Variants in RNF144A observed in about 807,000 individuals in gnomAD.
RNF144A encodes E3 ubiquitin-protein ligase RNF144A.
A neutral mutation model predicts 38.7 loss-of-function variants in RNF144A; 11 were observed. The observed-to-expected ratio is 0.28, with a 90% CI of 0.18 to 0.47. RNF144A has a LOEUF of 0.47. Ranked by LOEUF, RNF144A falls within the 20% of genes least tolerant of loss-of-function variation. RNF144A has a pLI of 0.99. For synonymous variants in RNF144A, 149 were observed against 143.9 expected, an observed-to-expected ratio of 1.04 and a Z score of -0.25; for missense variants, 316 against 377.2, an observed-to-expected ratio of 0.84 and a Z score of 1.34.
intron 2 of RNF144A, among the ~76,000 whole-genome samples, chr2:6,985,544 G>C (rs1668895537): frequency 6.6e-6 from 1 of 152,176 alleles, no homozygotes; most frequent in Admixed American, 6.5e-5. Flanking sequence ...TGGAATTGCA[G>C]GTGAGTTCTT....
At chr2:6,999,655 A>T (rs1223606778) in intron 3 of RNF144A, among the ~76,000 whole-genome samples, 3 of 152,188 alleles carry the variant, frequency 2.0e-5, no homozygotes, top group African/African-American at 7.2e-5. Flanking sequence ...CATTTACCCC[A>T]TCTGTATAAT....
chr2:7,031,709 A>T (rs1319505585), intron 8 of RNF144A, among the ~76,000 whole-genome samples: 1 of 152,264 alleles, frequency 6.6e-6, no homozygotes. Flanking sequence ...GTCCACCTAC[A>T]GCTGCACTTC....
chr2:6,920,135 C>T (rs992222855), intron 1 of RNF144A, among the ~76,000 whole-genome samples: 8 of 152,212 alleles, frequency 5.3e-5, no homozygotes, highest in South Asian at 2.1e-4. Context: ...CTACAAGCTA[C>T]GTTGCCTGCC....
chr2:7,007,972 C>T (rs1015295718), intron 3 of RNF144A, among the ~76,000 whole-genome samples: 27 of 152,220 alleles, frequency 1.8e-4, no homozygotes, highest in African/African-American at 6.0e-4. Flanking sequence ...GCACTGCCTC[C>T]AGAGGTGAGG....
intron 3 of RNF144A, among the ~76,000 whole-genome samples, chr2:6,999,790 TA>T: frequency 6.6e-6 from 1 of 152,352 alleles, no homozygotes. Context: ...ACTGCAGGAA[TA>T]AAAACAGAGT....
chr2:6,938,397 G>A (rs971951432), intron 1 of RNF144A, among the ~76,000 whole-genome samples: 8 of 151,578 alleles, frequency 5.3e-5, no homozygotes, highest in Non-Finnish European at 8.8e-5. Context: ...ACAGGTGCCC[G>A]CCACCACACC....
intron 6 of RNF144A, among the ~76,000 whole-genome samples, chr2:7,022,214 A>G (rs1400324858): frequency 2.0e-5 from 3 of 152,236 alleles, no homozygotes; most frequent in Non-Finnish European, 1.5e-5. Context: ...ACACTAAGCT[A>G]TTTTTTGTAT....
rs1015115532 is a variant in RNF144A at position 6,958,896 on chromosome 2, A to G, written c.-12+17749A>G. Among the ~76,000 whole-genome samples the G allele has an allele frequency of 7.9e-5, 12 of 152,116 alleles. No homozygotes were observed. Among genetic ancestry groups the G allele is most frequent in the African/African-American group, 1.4e-4 (6 of 41,426 alleles). On this transcript the variant is annotated intron_variant, in intron 2 of 8. Coordinates refer to ENST00000320892, the MANE Select transcript of RNF144A (RefSeq NM_014746.6). The surrounding 1 kb of genome is among the most constrained non-coding windows in gnomAD (Gnocchi z 4.5). ...TATTCCAAAGCTTCTCTTTTACCCAATGGCTCCCTAAAAGCTTCTCTTTTA... is the reference window on the plus strand; with the variant it reads ...TATTCCAAAGCTTCTCTTTTACCCAGTGGCTCCCTAAAAGCTTCTCTTTTA...
chr2:7,043,305 G>A lies in RNF144A; in HGVS notation c.*3545G>A. The A allele has an allele frequency of 3.0e-6, 3 of 985,176 alleles. No homozygotes were observed. The highest frequency in any genetic ancestry group is 3.6e-6 in the Non-Finnish European group (3 of 829,752). 61.0% of individuals were successfully genotyped at this position (985,176 alleles called of 1,614,324 possible). On this transcript the variant is annotated 3_prime_UTR_variant, in exon 9 of 9. Coordinates refer to ENST00000320892, the MANE Select transcript of RNF144A (RefSeq NM_014746.6). ...AGATGCAAAAATTACTTCAAGATGAGTTTATTGTTTTCATTTGTATTGCAA... is the reference window on the plus strand; with the variant it reads ...AGATGCAAAAATTACTTCAAGATGAATTTATTGTTTTCATTTGTATTGCAA...
chr2:7,028,862 A>G (rs1205974831), intron 7 of RNF144A, among the ~76,000 whole-genome samples: 1 of 152,190 alleles, frequency 6.6e-6, no homozygotes, highest in African/African-American at 2.4e-5. Context: ...AGACAGTGGT[A>G]GCTGGGACCC....
chr2:7,018,039 T>C (rs1274198009), intron 5 of RNF144A, among the ~76,000 whole-genome samples: 1 of 152,116 alleles, frequency 6.6e-6, no homozygotes, highest in African/African-American at 2.4e-5. Context: ...GGATGCTTAA[T>C]AGCATCCCCC....
chr2:6,926,055 T>A (rs1450982652), intron 1 of RNF144A, among the ~76,000 whole-genome samples: 1 of 152,254 alleles, frequency 6.6e-6, no homozygotes, highest in Non-Finnish European at 1.5e-5. Context: ...TGAAGGTAGG[T>A]GCTTGCTTCC....
At chr2:6,945,338 C>G (rs988352482) in intron 2 of RNF144A, among the ~76,000 whole-genome samples, 1 of 151,838 alleles carries the variant, frequency 6.6e-6, no homozygotes, top group Non-Finnish European at 1.5e-5. Flanking sequence ...GGTATTGTTA[C>G]AATCAATCAT....
At chr2:7,044,220 C>G, downstream of RNF144A, 2 of 978,256 alleles carry the variant, frequency 2.0e-6, no homozygotes, top group Non-Finnish European at 2.4e-6. Context: ...TATCTGACTA[C>G]TGGCCTGAAG....
In RNF144A at chr2:6,979,384, G is replaced by C. The variant is rs529972308; in HGVS notation, c.-11-17532G>C. Among the ~76,000 whole-genome samples, 6 of 152,306 alleles carry C rather than the reference G, an allele frequency of 3.9e-5. No homozygotes were observed. In the East Asian group the frequency reaches 1.2e-3, roughly 29 times the overall value. Reference sequence around the variant, plus strand: ...TGCCTTCTGTGTGATTATGATTGGGGAAGTTGAGCACTGGATTTATCTCTG... The same window carrying C: ...TGCCTTCTGTGTGATTATGATTGGGCAAGTTGAGCACTGGATTTATCTCTG... On this transcript the variant is annotated intron_variant, in intron 2 of 8. Transcript: ENST00000320892.
At chr2:7,055,253 C>A (rs1266447581) in intron 6 of RNF144A, among the ~76,000 whole-genome samples, 1 of 152,162 alleles carries the variant, frequency 6.6e-6, no homozygotes, top group African/African-American at 2.4e-5. Context: ...CTTTTCCAGG[C>A]AATGCCCCCA....
chr2:6,980,565 G>C (rs779417448), intron 2 of RNF144A, among the ~76,000 whole-genome samples: 13 of 152,250 alleles, frequency 8.5e-5, no homozygotes, highest in Non-Finnish European at 1.5e-4. Context: ...TGATGCAAGG[G>C]GTAGGCTCTC....
At chr2:6,967,883 T>C (rs1667771445) in intron 2 of RNF144A, among the ~76,000 whole-genome samples, 1 of 152,256 alleles carries the variant, frequency 6.6e-6, no homozygotes, top group African/African-American at 2.4e-5. Flanking sequence ...TAAAAGTTCA[T>C]GAACATCCTT....
intron 6 of RNF144A, 200 bp downstream of exon 6, chr2:7,020,880 G>A: frequency 1.7e-6 from 1 of 592,222 alleles, no homozygotes. Context: ...TATGTACCAG[G>A]CACTGTGTGA....
Sources: gnomAD v4.1 joint callset for allele counts (sites outside exome capture counted in the v4.1 genomes callset) on GRCh38, gnomAD v4.1.1 for gene constraint, Gnocchi (gnomAD v3.1) non-coding constraint, MANE v1.5 for transcripts, NCBI Gene and HGNC (gene_info 2026-07-23, HGNC 2026-07-21) for gene names.